The following UST variants were observed in gnomAD, a reference collection of about 807,000 sequenced individuals.
UST encodes chondroitin sulfate 2-O-sulfotransferase.
UST carries 21 observed loss-of-function variants against 45.6 expected under a neutral mutation model. The observed-to-expected ratio is 0.46, with a 90% CI of 0.33 to 0.66. UST has a LOEUF of 0.66. UST is among the 30% of genes least tolerant of loss of function. The pLI is 0.02. For missense variants in UST, 463 were observed against 512.4 expected, an observed-to-expected ratio of 0.90 and a Z score of 0.93; for synonymous variants, 215 against 200.6, an observed-to-expected ratio of 1.07 and a Z score of -0.61.
At chr6:148,837,983 A>G (rs1777820252) in intron 1 of UST, among the ~76,000 whole-genome samples, 2 of 152,240 alleles carry the variant, frequency 1.3e-5, no homozygotes, top group African/African-American at 4.8e-5. Flanking sequence ...TGCCTGGCCA[A>G]GTTCCCTCTT....
intron 2 of UST, among the ~76,000 whole-genome samples, chr6:148,905,804 G>T (rs981055344): frequency 2.6e-5 from 4 of 152,174 alleles, no homozygotes; most frequent in Non-Finnish European, 5.9e-5. Context: ...GCAGCCTTGG[G>T]CTCCTGTTAG....
At chr6:149,019,082 T>C in intron 5 of UST, 57 bp from the exon 6 acceptor site, 2 of 1,300,218 alleles carry the variant, frequency 1.5e-6, no homozygotes, top group South Asian at 2.4e-5. Flanking sequence ...CTGTGTGGCA[T>C]TTGATAGAGC....
chr6:148,751,076 C>T (rs75851753), intron 1 of UST, among the ~76,000 whole-genome samples: 11 of 152,260 alleles, frequency 7.2e-5, no homozygotes, highest in African/African-American at 1.4e-4. Flanking sequence ...GTGATTCCAA[C>T]GCAGAGAATT....
At chr6:149,065,941 G>A (rs765177394) in intron 7 of UST, among the ~76,000 whole-genome samples, 1 of 152,174 alleles carries the variant, frequency 6.6e-6, no homozygotes, top group Non-Finnish European at 1.5e-5. Context: ...AGTGCTATGA[G>A]GACTAAAGGA....
intron 7 of UST, among the ~76,000 whole-genome samples, chr6:149,024,164 C>G (rs188360211): frequency 4.6e-5 from 7 of 152,302 alleles, no homozygotes; most frequent in Non-Finnish European, 1.0e-4. Flanking sequence ...CTTCAGGGTG[C>G]ACCTGCCAGC....
At chr6:148,971,310 T>C (rs1258695588) in intron 5 of UST, among the ~76,000 whole-genome samples, 1 of 152,190 alleles carries the variant, frequency 6.6e-6, no homozygotes, top group African/African-American at 2.4e-5. Context: ...TTTAGTACTT[T>C]CTGTGTAGTA....
Position 148,977,707 on chromosome 6 carries a change from G to A in UST, c.681+13144G>A, listed in dbSNP as rs943704925. ...GTGGAGCTTGCAGTGAGCCAAGATC[G>A]CGCCACTGTACTCCAGCCTGGATGA... On this transcript the variant is annotated intron_variant, in intron 5 of 7. Transcript: ENST00000367463. Among the ~76,000 whole-genome samples, 10 of 146,618 alleles carry A rather than the reference G, an allele frequency of 6.8e-5. No individual in the cohort carries two copies. The South Asian group carries it at 1.9e-3, about 28-fold the overall frequency.
intron 1 of UST, among the ~76,000 whole-genome samples, chr6:148,787,283 C>T (rs970127692): frequency 5.3e-5 from 8 of 152,128 alleles, no homozygotes; most frequent in Admixed American, 2.0e-4. Flanking sequence ...TCCTGAATGA[C>T]GTTGCCTAGG....
chr6:149,023,649 T>C (rs568794957), intron 7 of UST, among the ~76,000 whole-genome samples: 20 of 152,198 alleles, frequency 1.3e-4, no homozygotes, highest in African/African-American at 4.6e-4. Context: ...TCACCATCCA[T>C]CCTGAGGTCT....
chr6:148,960,444 G>A (rs949542049), intron 4 of UST, among the ~76,000 whole-genome samples: 6 of 152,102 alleles, frequency 3.9e-5, no homozygotes, highest in African/African-American at 1.4e-4. Context: ...TCTGGCCTAT[G>A]GTACTTTTCA....
chr6:149,059,318 T>G (rs920487581), intron 7 of UST, among the ~76,000 whole-genome samples: 5 of 152,214 alleles, frequency 3.3e-5, no homozygotes, highest in Non-Finnish European at 5.9e-5. Context: ...AACCGAAACC[T>G]CTACAAGTGT....
intron 5 of UST, among the ~76,000 whole-genome samples, chr6:148,965,907 G>A (rs1209702282): frequency 9.4e-6 from 1 of 106,238 alleles, no homozygotes; most frequent in Non-Finnish European, 1.9e-5. Context: ...TAGTTTTTAT[G>A]GCGAAACCCT....
rs142432284 is a variant in UST, at chr6:149,015,618, G to GTT, written c.682-3513_682-3512dup. On this transcript the variant is annotated intron_variant, in intron 5 of 7. Coordinates refer to ENST00000367463, the MANE Select transcript of UST (RefSeq NM_005715.3). ...CAAAAGTTTGAAATCCATATTAAATGTTTTTTTTTCTTTTTTAAAAAAGCA... is the reference window on the plus strand; with the variant it reads ...CAAAAGTTTGAAATCCATATTAAATGTTTTTTTTTTTCTTTTTTAAAAAAGCA... Among the ~76,000 whole-genome samples, 528 of 151,218 alleles carry GTT rather than the reference G, an allele frequency of 3.5e-3. 2 individuals carry two copies. Among genetic ancestry groups the GTT allele is most frequent in the African/African-American group, 0.012 (506 of 41,220 alleles).
At chr6:148,927,493 G>C (rs1001670069) in intron 2 of UST, among the ~76,000 whole-genome samples, 23 of 152,166 alleles carry the variant, frequency 1.5e-4, no homozygotes, top group African/African-American at 5.6e-4. Flanking sequence ...GGATTAGAGA[G>C]CTTGAGTACC....
At chr6:148,888,270 C>A (rs1778947758) in intron 2 of UST, among the ~76,000 whole-genome samples, 1 of 152,118 alleles carries the variant, frequency 6.6e-6, no homozygotes, top group African/African-American at 2.4e-5. Flanking sequence ...CATGACAGCA[C>A]CAAGGGGGAT....
intron 5 of UST, among the ~76,000 whole-genome samples, chr6:148,972,879 G>A (rs1256247287): frequency 7.7e-6 from 1 of 130,560 alleles, no homozygotes; most frequent in African/African-American, 3.0e-5. Flanking sequence ...CCTGGGCTTT[G>A]GGATTTTTTT....
At chr6:148,943,661 A>G (rs374479580) in intron 3 of UST, among the ~76,000 whole-genome samples, 13 of 152,308 alleles carry the variant, frequency 8.5e-5, no homozygotes, top group African/African-American at 2.9e-4. Context: ...GTCTTTTAAG[A>G]TTCTTTCCAG....
At chr6:149,053,630 G>GT (rs1776520408) in intron 7 of UST, among the ~76,000 whole-genome samples, 1 of 152,178 alleles carries the variant, frequency 6.6e-6, no homozygotes, top group Non-Finnish European at 1.5e-5. Flanking sequence ...AGCCACTCAT[G>GT]TATCTGTCTG....
intron 1 of UST, among the ~76,000 whole-genome samples, chr6:148,806,996 A>T (rs894440067): frequency 1.9e-4 from 29 of 152,312 alleles, no homozygotes; most frequent in African/African-American, 6.7e-4. Flanking sequence ...TTCAATCAAT[A>T]TGAGTTGTAG....
Sources: gnomAD v4.1 joint callset for allele counts (sites outside exome capture counted in the v4.1 genomes callset) on GRCh38, gnomAD v4.1.1 for gene constraint, MANE v1.5 for transcripts, NCBI Gene and HGNC (gene_info 2026-07-23, HGNC 2026-07-21) for gene names.